The following PYY variants were observed in gnomAD, a reference collection of about 807,000 sequenced individuals.
PYY encodes peptide YY, also known as peptide tyrosine tyrosine.
Under a neutral mutation model 10.3 loss-of-function variants are expected in PYY, and 12 were observed. The observed-to-expected ratio is 1.17, with a 90% CI of 0.75 to 1.89. The LOEUF is 1.89. Ranked by LOEUF, PYY falls within the 40% of genes most tolerant of loss-of-function variation. The pLI is 0.00. For synonymous variants in PYY, 66 were observed against 62.0 expected, an observed-to-expected ratio of 1.06 and a Z score of -0.30; for missense variants, 141 against 134.0, an observed-to-expected ratio of 1.05 and a Z score of -0.26.
At chr17:43,976,982 G>A (rs987762829) in intron 1 of PYY, among the ~76,000 whole-genome samples, 1 of 151,862 alleles carries the variant, frequency 6.6e-6, no homozygotes, top group African/African-American at 2.4e-5. Flanking sequence ...CTCTGCCACC[G>A]GCCTCTACCC....
At chr17:43,989,014 A>G (rs569650790) in intron 1 of PYY, among the ~76,000 whole-genome samples, 10 of 151,070 alleles carry the variant, frequency 6.6e-5, no homozygotes, top group Admixed American at 5.9e-4. Context: ...TGCCCGCCTC[A>G]GCCTCCCAAA....
At chr17:43,983,805 T>G (rs2048898154) in intron 1 of PYY, among the ~76,000 whole-genome samples, 1 of 151,896 alleles carries the variant, frequency 6.6e-6, no homozygotes, top group Non-Finnish European at 1.5e-5. Context: ...CCCGCGCGAG[T>G]CTGCTTGATG....
intron 1 of PYY, among the ~76,000 whole-genome samples, chr17:43,976,923 C>A (rs1419023810): frequency 6.6e-6 from 1 of 152,160 alleles, no homozygotes; most frequent in Admixed American, 6.5e-5. Flanking sequence ...GACCATCACT[C>A]CACCTCACCC....
At position 43,976,188 on chromosome 17, in the gene PYY, T is replaced by C. The variant is rs1218547408; in HGVS notation, c.-462-9656A>G. ...GCATGCATATATGTATATATACGTATATGTATACATATATACATATACGTA... is the reference window on the plus strand; with the variant it reads ...GCATGCATATATGTATATATACGTACATGTATACATATATACATATACGTA... On this transcript the variant is annotated intron_variant, in intron 1 of 6. Coordinates refer to the PYY transcript ENST00000360085. 1.2e-4 allele frequency among the ~76,000 whole-genome samples: 15 copies of C among 123,892 alleles called. 2 individuals carry two copies. The highest frequency in any genetic ancestry group is 4.9e-4 in the African/African-American group (13 of 26,570). The allele number at this position is 123,892 out of a possible 152,430, so 81.3% of individuals were successfully genotyped here. A position where few individuals can be genotyped will look rare whatever the true frequency, so the allele number is the denominator to read the frequency against.
intron 1 of PYY, among the ~76,000 whole-genome samples, chr17:43,969,539 A>T (rs574477148): frequency 9.4e-4 from 140 of 149,724 alleles, no homozygotes; most frequent in Non-Finnish European, 1.4e-3. Flanking sequence ...AAAAAAGCAA[A>T]TGCTCATATT....
At chr17:43,990,797 T>G (rs73306629) in intron 1 of PYY, among the ~76,000 whole-genome samples, 5,702 of 148,794 alleles carry the variant, frequency 0.038, 319 homozygotes, top group African/African-American at 0.12. Flanking sequence ...TAATGTTGTT[T>G]TTTTTTTTTT....
chr17:43,972,134 C>G (rs2048797567), intron 1 of PYY, among the ~76,000 whole-genome samples: 1 of 151,484 alleles, frequency 6.6e-6, no homozygotes, highest in African/African-American at 2.4e-5. Flanking sequence ...AGCTGTACAC[C>G]AACAAAATGG....
intron 1 of PYY, among the ~76,000 whole-genome samples, chr17:43,968,639 C>G (rs1317183537): frequency 3.3e-5 from 5 of 152,132 alleles, no homozygotes; most frequent in African/African-American, 1.2e-4. Flanking sequence ...TGGTGAAACT[C>G]TGTCTCTACT....
chr17:43,979,667 C>A (rs1443424041), intron 1 of PYY, among the ~76,000 whole-genome samples: 1 of 151,340 alleles, frequency 6.6e-6, no homozygotes, highest in Non-Finnish European at 1.5e-5. Context: ...GACAGCAAGA[C>A]TCTGTCTCAA....
intron 2 of PYY, among the ~76,000 whole-genome samples, chr17:43,959,766 G>A (rs1310760004): frequency 1.3e-5 from 2 of 152,274 alleles, no homozygotes; most frequent in African/African-American, 4.8e-5. Context: ...GTCCCTGGGC[G>A]CCAGCCCCTG....
chr17:43,970,629 T>A (rs113204031), intron 1 of PYY, among the ~76,000 whole-genome samples: 1,717 of 152,156 alleles, frequency 0.011, 25 homozygotes, highest in African/African-American at 0.039. Context: ...TTGACCAAAG[T>A]GCAAAGACAA....
Position 43,981,638 on chromosome 17 carries a change from C to T in PYY, c.-462-15106G>A, listed in dbSNP as rs574800029. Among the ~76,000 whole-genome samples, 5 of 152,160 alleles carry T rather than the reference C, an allele frequency of 3.3e-5. 1 individual carries two copies. Among genetic ancestry groups the T allele is most frequent in the Middle Eastern group, 3.4e-3 (1 of 294 alleles). On this transcript the variant is annotated intron_variant, in intron 1 of 6. Transcript: ENST00000360085. ...CCAAGTAGCTGGGATTACAGGTGCA[C>T]GCCACCATGCCCAGCTAATTTTTGT...
At chr17:43,972,193 T>TTATG (rs949063146) in intron 1 of PYY, among the ~76,000 whole-genome samples, 2 of 121,896 alleles carry the variant, frequency 1.6e-5, no homozygotes, top group Non-Finnish European at 3.0e-5. Context: ...TTATTTTATT[T>TTATG]TATTTATTTA....
chr17:43,994,566 C>T (rs765357501), intron 1 of PYY, among the ~76,000 whole-genome samples: 10 of 152,192 alleles, frequency 6.6e-5, no homozygotes, highest in Non-Finnish European at 1.5e-4. Flanking sequence ...GTGATTGAGG[C>T]TAGGACTCGA....
intron 2 of PYY, among the ~76,000 whole-genome samples, chr17:43,965,853 C>T (rs545302568): frequency 6.8e-6 from 1 of 146,628 alleles, no homozygotes; most frequent in Non-Finnish European, 1.5e-5. Context: ...TTTTTTCTAG[C>T]CATTGTAAGT....
Position 43,986,797 on chromosome 17 carries a change from A to G in PYY, c.-463+17594T>C, listed in dbSNP as rs1319098591. ...GCCCTCTGCCCACATACCTGCTGAC[A>G]CGTGGATTCTCAACACCAGCTGTCA... On this transcript the variant is annotated intron_variant, in intron 1 of 6. Transcript: ENST00000360085. Among the ~76,000 whole-genome samples, 5 of 152,322 alleles carry G rather than the reference A, an allele frequency of 3.3e-5. No homozygotes were observed. The East Asian group carries it at 9.6e-4, about 29-fold the overall frequency.
intron 1 of PYY, among the ~76,000 whole-genome samples, chr17:44,003,685 A>C (rs1338621137): frequency 2.7e-5 from 4 of 150,732 alleles, no homozygotes; most frequent in African/African-American, 9.8e-5. Flanking sequence ...AAAAAAAAAA[A>C]AAAAAGGGTT....
At chr17:43,957,196 CAAAAAAAAA>C (rs60997602), upstream of PYY, among the ~76,000 whole-genome samples, 10 of 66,634 alleles carry the variant, frequency 1.5e-4, no homozygotes, top group South Asian at 9.3e-4. Flanking sequence ...AAACTGTCTC[CAAAAAAAAA>C]AAAAAAAAAA....
At chr17:43,954,556 A>G (rs913426667), upstream of PYY, among the ~76,000 whole-genome samples, 1 of 152,010 alleles carries the variant, frequency 6.6e-6, no homozygotes, top group Non-Finnish European at 1.5e-5. Flanking sequence ...CTCTCTATTA[A>G]AGAGTTGGAA....
Sources: allele counts gnomAD v4.1 joint callset (sites outside exome capture counted in the v4.1 genomes callset), GRCh38; gene constraint gnomAD v4.1.1; transcripts MANE v1.5; gene names NCBI Gene and HGNC (gene_info 2026-07-23, HGNC 2026-07-21).